MAGI1: variants seen among roughly 807,000 people sequenced by gnomAD.
The protein encoded by MAGI1 is membrane-associated guanylate kinase, WW and PDZ domain-containing protein 1.
Under a neutral mutation model 139.9 loss-of-function variants are expected in MAGI1, and 58 were observed. The ratio of observed to expected loss-of-function variants is 0.41; its 90% CI spans 0.34 to 0.52. MAGI1 has a LOEUF of 0.52. Ranked by LOEUF, MAGI1 falls within the 20% of genes least tolerant of loss-of-function variation. The pLI is 0.12. For synonymous variants in MAGI1, 812 were observed against 737.9 expected, an observed-to-expected ratio of 1.10 and a Z score of -1.63; for missense variants, 1,874 against 1,901.6, an observed-to-expected ratio of 0.99 and a Z score of 0.27.
intron 1 of MAGI1, among the ~76,000 whole-genome samples, chr3:65,689,472 T>C (rs1230829207): frequency 6.6e-6 from 1 of 151,634 alleles, no homozygotes; most frequent in Non-Finnish European, 1.5e-5. Flanking sequence ...TGACCCAAAG[T>C]AAATAAAAAT....
At chr3:65,872,217 T>C (rs1180492521) in intron 1 of MAGI1, among the ~76,000 whole-genome samples, 4 of 152,246 alleles carry the variant, frequency 2.6e-5, no homozygotes, top group Non-Finnish European at 5.9e-5. Flanking sequence ...CAATGCTTCA[T>C]ATACTGCTCA....
At chr3:65,970,460 A>G (rs1341491840) in intron 1 of MAGI1, among the ~76,000 whole-genome samples, 1 of 152,072 alleles carries the variant, frequency 6.6e-6, no homozygotes, top group Admixed American at 6.5e-5. Flanking sequence ...ATGCCACAGA[A>G]GTGTACATGC....
At chr3:65,710,188 C>T (rs570668726) in intron 1 of MAGI1, among the ~76,000 whole-genome samples, 4 of 150,284 alleles carry the variant, frequency 2.7e-5, no homozygotes, top group East Asian at 3.9e-4. Flanking sequence ...GGCAGACAAG[C>T]GATCAGTGAA....
chr3:65,658,348 C>T (rs2086003109), intron 1 of MAGI1, among the ~76,000 whole-genome samples: 1 of 152,132 alleles, frequency 6.6e-6, no homozygotes, highest in South Asian at 2.1e-4. Flanking sequence ...CCTGCATTTG[C>T]TATTCAGAGA....
intron 2 of MAGI1, among the ~76,000 whole-genome samples, chr3:65,586,883 C>T (rs1469106388): frequency 1.3e-5 from 2 of 151,896 alleles, no homozygotes; most frequent in African/African-American, 2.4e-5. Context: ...CTGGTATGGG[C>T]GAATGAAGGT....
chr3:65,723,383 T>C (rs1354012243), intron 1 of MAGI1, among the ~76,000 whole-genome samples: 1 of 152,148 alleles, frequency 6.6e-6, no homozygotes, highest in African/African-American at 2.4e-5. Flanking sequence ...CTGGAAGGTG[T>C]TAAGAGTTTC....
intron 1 of MAGI1, among the ~76,000 whole-genome samples, chr3:65,898,143 T>C (rs1230857560): frequency 6.6e-6 from 1 of 152,234 alleles, no homozygotes; most frequent in Non-Finnish European, 1.5e-5. Flanking sequence ...CGATTTGGTT[T>C]AATGTTTTCT....
At chr3:65,655,514 T>G (rs558614469) in intron 1 of MAGI1, among the ~76,000 whole-genome samples, 1 of 152,170 alleles carries the variant, frequency 6.6e-6, no homozygotes, top group Non-Finnish European at 1.5e-5. Flanking sequence ...GATCTATTAA[T>G]TCAAAGAGTT....
intron 2 of MAGI1, among the ~76,000 whole-genome samples, chr3:65,522,271 A>G (rs1475355560): frequency 6.6e-6 from 1 of 152,216 alleles, no homozygotes; most frequent in Non-Finnish European, 1.5e-5. Flanking sequence ...TTCCAAAAAG[A>G]ATAAACTATG....
chr3:65,522,486 C>G (rs2078207659), intron 2 of MAGI1, among the ~76,000 whole-genome samples: 1 of 152,120 alleles, frequency 6.6e-6, no homozygotes, highest in Admixed American at 6.5e-5. Context: ...TGAAATCTCA[C>G]AATGATGTAT....
chr3:65,616,398 T>C (rs1258833482), intron 2 of MAGI1, among the ~76,000 whole-genome samples: 3 of 152,060 alleles, frequency 2.0e-5, no homozygotes, highest in Non-Finnish European at 4.4e-5. Context: ...TGTGGTTAAA[T>C]AGAAAAGAGA....
chr3:66,018,071 G>A (rs1285551259), intron 1 of MAGI1, among the ~76,000 whole-genome samples: 1 of 129,958 alleles, frequency 7.7e-6, no homozygotes, highest in African/African-American at 2.7e-5. Flanking sequence ...TGTGCTTCAT[G>A]AACACACAAC....
At chr3:65,690,366 T>C (rs879884337) in intron 1 of MAGI1, among the ~76,000 whole-genome samples, 1 of 152,196 alleles carries the variant, frequency 6.6e-6, no homozygotes, top group Non-Finnish European at 1.5e-5. Flanking sequence ...ACAGTTGGAG[T>C]TGGCTTTCTG....
chr3:65,565,633 G>A (rs1045173845), intron 2 of MAGI1, among the ~76,000 whole-genome samples: 1 of 151,960 alleles, frequency 6.6e-6, no homozygotes, highest in African/African-American at 2.4e-5. Context: ...GAGGCAGGCA[G>A]ATCACTTGAG....
intron 1 of MAGI1, among the ~76,000 whole-genome samples, chr3:65,837,970 T>C (rs985144227): frequency 6.6e-6 from 1 of 152,220 alleles, no homozygotes; most frequent in Admixed American, 6.5e-5. Context: ...AAGTTGTGCA[T>C]ACCCTTCACC....
At chr3:65,414,621 T>C (rs1318806487) in intron 12 of MAGI1, among the ~76,000 whole-genome samples, 4 of 152,210 alleles carry the variant, frequency 2.6e-5, no homozygotes, top group Non-Finnish European at 4.4e-5. Flanking sequence ...TTACATTTCA[T>C]AAGCCAGCAG....
intron 1 of MAGI1, among the ~76,000 whole-genome samples, chr3:65,793,319 T>C (rs1053809393): frequency 1.3e-5 from 2 of 152,204 alleles, no homozygotes; most frequent in African/African-American, 4.8e-5. Flanking sequence ...TGGCAAAAGA[T>C]CTACATGTTG....
At chr3:65,385,807 G>A (rs554578264) in intron 14 of MAGI1, among the ~76,000 whole-genome samples, 2 of 152,174 alleles carry the variant, frequency 1.3e-5, no homozygotes, top group Non-Finnish European at 1.5e-5. Context: ...CAATTTGAGA[G>A]TAATATTTTC....
At chr3:65,568,470 A>G (rs1352641463) in intron 2 of MAGI1, among the ~76,000 whole-genome samples, 1 of 152,170 alleles carries the variant, frequency 6.6e-6, no homozygotes, top group Non-Finnish European at 1.5e-5. Context: ...TGAGTCGGGG[A>G]GTCACTGCGT....
Sources: gnomAD v4.1 joint callset for allele counts (sites outside exome capture counted in the v4.1 genomes callset) on GRCh38, gnomAD v4.1.1 for gene constraint, MANE v1.5 for transcripts, NCBI Gene and HGNC (gene_info 2026-07-23, HGNC 2026-07-21) for gene names.